Variants in MCF2L observed in about 807,000 individuals in gnomAD.
MCF2L encodes the protein MCF.2 cell line derived transforming sequence like.
A neutral mutation model predicts 153.4 loss-of-function variants in MCF2L; 97 were observed. The ratio of observed to expected loss-of-function variants is 0.63; its 90% CI spans 0.54 to 0.75. The LOEUF is 0.75. Among genes scored for constraint, MCF2L ranks in the 30% least tolerant of loss-of-function variants. MCF2L has a pLI of 0.00. For synonymous variants in MCF2L, 659 were observed against 632.2 expected (o/e 1.04, Z -0.64); for missense variants, 1,347 against 1,495.2 (o/e 0.90, Z 1.64).
rs972332701 is a variant in MCF2L, at chr13:113,090,315, C to T, written c.2953+587C>T. On this transcript the variant is annotated intron_variant, in intron 26 of 29. Coordinates refer to ENST00000535094, the MANE Select transcript of MCF2L (RefSeq NM_001112732.3). Reference sequence around the variant, plus strand: ...GTTCCCTGATGCTGTGTCTCGCGCACAGACACCAGAGTTATTTAGAGGTGG... The same window carrying T: ...GTTCCCTGATGCTGTGTCTCGCGCATAGACACCAGAGTTATTTAGAGGTGG... The T allele has an allele frequency of 2.9e-5, 35 of 1,220,724 alleles. No homozygotes were observed. In the South Asian group the frequency reaches 4.1e-4, roughly 14 times the overall value. 75.6% of individuals were successfully genotyped at this position (1,220,724 alleles called of 1,614,324 possible).
chr13:113,097,295 G>C lies in MCF2L; in HGVS notation c.*436G>C, dbSNP rs1411188710. 6.1e-6 allele frequency: 1 copy of C among 165,032 alleles called. No homozygotes were observed. The highest frequency in any genetic ancestry group is 1.3e-5 in the Non-Finnish European group (1 of 77,012). The allele number at this position is 165,032 out of a possible 1,614,324, so 10.2% of individuals were successfully genotyped here. The stretch of plus-strand genomic sequence containing the variant: ...CAAGTTTTAGGATTTTTTCAAGCAG[G>C]GATCAATCCCGTGGCCATTTTTTGT... On this transcript the variant is annotated 3_prime_UTR_variant, in exon 30 of 30. Coordinates refer to ENST00000535094, the MANE Select transcript of MCF2L (RefSeq NM_001112732.3).
In MCF2L at chr13:113,014,757, G is replaced by T. The variant is rs188582658; in HGVS notation, c.80-6G>T. On this transcript the variant is annotated splice_polypyrimidine_tract_variant and splice_region_variant and intron_variant, in intron 1 of 29. Coordinates refer to ENST00000535094, the MANE Select transcript of MCF2L (RefSeq NM_001112732.3). ...CTGACACGTGCCGTCTGCTCTTTCC[G>T]TGCAGATGAAATCATGCACCAGGAC... 6.2e-7 allele frequency: 1 copy of T among 1,613,382 alleles called. No homozygotes were observed. The highest frequency in any genetic ancestry group is 8.5e-7 in the Non-Finnish European group (1 of 1,179,556).
intron 4 of MCF2L, among the ~76,000 whole-genome samples, chr13:113,051,530 C>T (rs1405536414): frequency 2.0e-5 from 3 of 152,212 alleles, no homozygotes; most frequent in Admixed American, 6.5e-5. Context: ...GATCCAGAGG[C>T]CCCAAGCCCT....
intron 3 of MCF2L, among the ~76,000 whole-genome samples, chr13:113,025,095 G>C (rs1201682771): frequency 1.1e-5 from 1 of 92,920 alleles, no homozygotes; most frequent in Non-Finnish European, 2.2e-5. Context: ...TTTCACCAGG[G>C]TGGGGTCCCT....
chr13:113,012,236 T>C (rs1192433124), intron 1 of MCF2L, among the ~76,000 whole-genome samples: 2 of 80,988 alleles, frequency 2.5e-5, no homozygotes, highest in African/African-American at 8.9e-5. Flanking sequence ...TGGTGGACAC[T>C]GCGATGAGGA....
chr13:112,989,217 A>C (rs1463089036), intron 1 of MCF2L, among the ~76,000 whole-genome samples: 1 of 34,522 alleles, frequency 2.9e-5, no homozygotes, highest in Non-Finnish European at 6.6e-5. Context: ...GAGCTACCAC[A>C]CCGGAGTCCT....
rs1434986627 is a variant in MCF2L at position 113,054,463 on chromosome 13, C to T, written c.370-6130C>T. Reference sequence around the variant, plus strand: ...GTCCACGCCCATTGTTTTCCTCACCCGGTCCAGCGTCTCTGATTCCGGCTC... The same window carrying T: ...GTCCACGCCCATTGTTTTCCTCACCTGGTCCAGCGTCTCTGATTCCGGCTC... On this transcript the variant is annotated intron_variant, in intron 4 of 29. Transcript: ENST00000535094. This position sits in a 1 kb window ranked among gnomAD's most constrained non-coding sequence, Gnocchi z 5.2. 2 of 166,644 alleles carry T rather than the reference C, an allele frequency of 1.2e-5. No homozygotes were observed. Among genetic ancestry groups the T allele is most frequent in the Middle Eastern group, 3.1e-3 (1 of 318 alleles). 10.3% of individuals were successfully genotyped at this position (166,644 alleles called of 1,614,324 possible).
At chr13:113,057,108 TTTGGGTGCTGAGTGC>T (rs2030105602) in intron 4 of MCF2L, among the ~76,000 whole-genome samples, 1 of 138,096 alleles carries the variant, frequency 7.2e-6, no homozygotes, top group Non-Finnish European at 1.5e-5. Flanking sequence ...GTGCTGTGTG[TTTGGGTGCTGAGTGC>T]TTGGGTGCTG....
intron 3 of MCF2L, chr13:113,043,175 C>T (rs1331977973): frequency 6.6e-6 from 1 of 152,242 alleles, no homozygotes; most frequent in African/African-American, 2.4e-5. Context: ...CCGCCAGTGT[C>T]GCAGAGGCGG....
At chr13:113,088,222 C>A in intron 23 of MCF2L, 105 bp from the exon 24 acceptor site, 1 of 1,012,408 alleles carries the variant, frequency 9.9e-7, no homozygotes, top group Non-Finnish European at 1.6e-6. Context: ...AGCCACCTGA[C>A]CTTTGACTCC....
At chr13:112,923,580 C>T (rs1292497576) in intron 2 of MCF2L, among the ~76,000 whole-genome samples, 1 of 152,074 alleles carries the variant, frequency 6.6e-6, no homozygotes, top group African/African-American at 2.4e-5. Flanking sequence ...TACTTCTTAA[C>T]AAATATATTT....
At position 112,997,796 on chromosome 13, in the gene MCF2L, C is replaced by T. The variant is rs9577417; in HGVS notation, c.80-16967C>T. On this transcript the variant is annotated intron_variant, in intron 1 of 29. Transcript: ENST00000535094. ...TGCTGGACACGGGCCTCAGGCCCCC[C>T]GGGTGTCCCCAAGGTGCAGGGACCA... Among the ~76,000 whole-genome samples the T allele has an allele frequency of 5.0e-3, 756 of 152,374 alleles. 28 individuals are homozygous for T. The East Asian group carries it at 0.1, about 21-fold the overall frequency.
chr13:112,933,878 G>T (rs960897898), intron 2 of MCF2L, among the ~76,000 whole-genome samples: 1 of 152,222 alleles, frequency 6.6e-6, no homozygotes. Context: ...AGGAAAGGCC[G>T]CTCAGCTGGC....
Position 113,090,440 on chromosome 13 carries a change from C to G in MCF2L, c.2953+712C>G, listed in dbSNP as rs549976587. On this transcript the variant is annotated intron_variant, in intron 26 of 29. Transcript: ENST00000535094. ...AGGCCCCCTCCTTCCTCTCCCTGCC[C>G]CCCACCCCCGCCTTCTCCCGCCTTC... 4.2e-4 allele frequency: 384 copies of G among 910,720 alleles called. 4 individuals carry two copies. The African/African-American group carries it at 6.6e-3, about 16-fold the overall frequency. 56.4% of individuals were successfully genotyped at this position (910,720 alleles called of 1,614,324 possible). A position where few individuals can be genotyped will look rare whatever the true frequency, so the allele number is the denominator to read the frequency against.
At chr13:112,908,213 G>A (rs1190387277) in intron 2 of MCF2L, among the ~76,000 whole-genome samples, 1 of 152,208 alleles carries the variant, frequency 6.6e-6, no homozygotes, top group Non-Finnish European at 1.5e-5. Flanking sequence ...TGCTGGCATG[G>A]GGGCACAGGT....
rs1367611431 is a variant in MCF2L at position 112,960,445 on chromosome 13, A to G, written c.170-54318A>G. On this transcript the variant is annotated intron_variant, in intron 2 of 29. Transcript: ENST00000375608. This position sits in a 1 kb window ranked among gnomAD's most constrained non-coding sequence, Gnocchi z 4.2. ...ACCTTTGGGGGACACATTAAACCCC[A>G]GCAGACTGCCTTGTCCCCTGCTCAT... Among the ~76,000 whole-genome samples, 1 of 152,180 alleles carries G rather than the reference A, an allele frequency of 6.6e-6. No homozygotes were observed. Among genetic ancestry groups the G allele is most frequent in the Non-Finnish European group, 1.5e-5 (1 of 68,024 alleles).
intron 1 of MCF2L, chr13:113,008,897 G>T (rs947415801): frequency 6.6e-6 from 1 of 152,166 alleles, no homozygotes; most frequent in Non-Finnish European, 1.5e-5. Context: ...ACGCCCGCCT[G>T]CATCAGAGAA....
intron 4 of MCF2L, among the ~76,000 whole-genome samples, chr13:113,049,033 G>A (rs1041269079): frequency 3.9e-5 from 6 of 152,204 alleles, no homozygotes; most frequent in Non-Finnish European, 8.8e-5. Context: ...CCAGGCCCCT[G>A]CTACCCAGGA....
At position 113,031,471 on chromosome 13, in the gene MCF2L, CAG is replaced by C; in HGVS notation, c.278+6716_278+6717del. On this transcript the variant is annotated intron_variant, in intron 3 of 29. Coordinates refer to ENST00000535094, the MANE Select transcript of MCF2L (RefSeq NM_001112732.3). This position sits in a 1 kb window ranked among gnomAD's most constrained non-coding sequence, Gnocchi z 5.5. ...GCCGGGGAGTCGGGGGCTGTAGGGA[CAG>C]AGTCTGGGAGGTGAGACAGGGTCTG... Among the ~76,000 whole-genome samples the C allele has an allele frequency of 6.6e-6, 1 of 152,218 alleles. No individual in the cohort carries two copies. Among genetic ancestry groups the C allele is most frequent in the African/African-American group, 2.4e-5 (1 of 41,524 alleles).
Sources: allele counts gnomAD v4.1 joint callset (sites outside exome capture counted in the v4.1 genomes callset), GRCh38; gene constraint gnomAD v4.1.1; non-coding constraint Gnocchi (gnomAD v3.1); transcripts MANE v1.5; gene names NCBI Gene and HGNC (gene_info 2026-07-23, HGNC 2026-07-21).